Variants in SULF1 observed in about 807,000 individuals in gnomAD.
SULF1 encodes sulfatase 1.
A neutral mutation model predicts 110.5 loss-of-function variants in SULF1; 46 were observed. That is an observed-to-expected ratio of 0.42 (90% CI 0.33 to 0.53). The LOEUF (loss-of-function observed/expected upper bound fraction) is 0.53. Among genes scored for constraint, SULF1 ranks in the 20% least tolerant of loss-of-function variants. The probability of loss-of-function intolerance (pLI) is 0.12; values close to 1 mark genes in which losing one functional copy is unlikely to be tolerated. For synonymous variants in SULF1, 371 were observed against 387.1 expected (o/e 0.96, Z 0.49); for missense variants, 941 against 1,094.2 (o/e 0.86, Z 1.98).
In SULF1 at chr8:69,627,256, T is replaced by C; in HGVS notation, c.1897T>C (p.Tyr633His). ...NDSIHCEREL[Y>H]QSARAWKDHK... ...CTCTATCCATTGTGAGAGAGAACTG[T>C]ACCAATCGGCCAGAGCGTGGAAGGA... Residue 633 changes from tyrosine to histidine, a missense_variant, in exon 16 of 23, where the codon TAC becomes CAC. Around this residue, in one of 3 missense-constraint regions of SULF1, gnomAD observed 822 missense variants for 934.3 expected, o/e 0.88. Transcript: ENST00000402687. 6.2e-7 allele frequency: 1 copy of C among 1,614,194 alleles called. No individual in the cohort carries two copies. The highest frequency in any genetic ancestry group is 2.2e-5 in the East Asian group (1 of 44,868).
intron 6 of SULF1, among the ~76,000 whole-genome samples, chr8:69,577,945 A>C (rs1297012799): frequency 1.3e-5 from 2 of 152,194 alleles, no homozygotes; most frequent in Non-Finnish European, 2.9e-5. Flanking sequence ...CAGACTTTAG[A>C]AGCTACAGAC....
rs187242224 is a variant in SULF1, at chr8:69,543,363, C to T, written c.-133-20176C>T. Among the ~76,000 whole-genome samples the T allele has an allele frequency of 9.2e-5, 14 of 152,228 alleles. No homozygotes were observed. In the East Asian group the frequency reaches 1.4e-3, roughly 15 times the overall value. ...CATGCATTGGCTATTTTCCCTAATG[C>T]TCTCCCCAACCCCCACCCTCCCCTC... On this transcript the variant is annotated intron_variant, in intron 3 of 22. Transcript: ENST00000402687.
chr8:69,513,108 G>T (rs2150593732), intron 3 of SULF1, among the ~76,000 whole-genome samples: 1 of 152,268 alleles, frequency 6.6e-6, no homozygotes, highest in South Asian at 2.1e-4. Flanking sequence ...CACAGTACTT[G>T]CAGGTAGTTA....
At chr8:69,517,090 G>A (rs915636948) in intron 3 of SULF1, among the ~76,000 whole-genome samples, 1 of 152,166 alleles carries the variant, frequency 6.6e-6, no homozygotes, top group Non-Finnish European at 1.5e-5. Context: ...TGGAGGCTGG[G>A]AAGTCCAAGA....
Position 69,624,097 on chromosome 8 carries a change from C to A in SULF1, c.1750C>A (p.Pro584Thr), listed in dbSNP as rs577081540. 2 of 1,613,904 alleles carry A rather than the reference C, an allele frequency of 1.2e-6. No individual in the cohort carries two copies. Among genetic ancestry groups the A allele is most frequent in the African/African-American group, 2.7e-5 (2 of 74,932 alleles). The part of the protein sequence containing the change: ...AKRHDEGHKG[P>T]RDLQASSGGN... ...GCGTCATGATGAAGGCCACAAGGGG[C>A]CAAGAGATCTCCAGGCTTCCAGTGG... The change falls in exon 15 of 23, where the codon CCA (proline) becomes ACA (threonine). Residue 584 changes from proline (P) to threonine (T), a missense_variant. By Grantham distance (38) the Pro-to-Thr change is conservative. Coordinates refer to ENST00000402687, the MANE Select transcript of SULF1 (RefSeq NM_001128205.2).
intron 3 of SULF1, among the ~76,000 whole-genome samples, chr8:69,527,086 T>C (rs1204255836): frequency 2.0e-5 from 3 of 152,182 alleles, no homozygotes; most frequent in Non-Finnish European, 4.4e-5. Context: ...TATCTTTTTC[T>C]TAAGCACTCC....
chr8:69,507,684 T>A (rs557677836), intron 3 of SULF1, among the ~76,000 whole-genome samples: 2 of 152,212 alleles, frequency 1.3e-5, no homozygotes, highest in Non-Finnish European at 2.9e-5. Flanking sequence ...AGAATTGAAG[T>A]ACTATAGGCT....
chr8:69,630,715 T>C (rs915422237), intron 19 of SULF1, among the ~76,000 whole-genome samples: 1 of 152,162 alleles, frequency 6.6e-6, no homozygotes, highest in Non-Finnish European at 1.5e-5. Context: ...CACTTTATTT[T>C]CTGTGCTCAT....
At chr8:69,654,317 A>C (rs1356755235) in intron 22 of SULF1, among the ~76,000 whole-genome samples, 1 of 152,084 alleles carries the variant, frequency 6.6e-6, no homozygotes, top group Non-Finnish European at 1.5e-5. Flanking sequence ...GGCTTCAGGC[A>C]GCAATACTAG....
intron 22 of SULF1, among the ~76,000 whole-genome samples, chr8:69,648,290 A>G (rs1235787543): frequency 3.3e-5 from 5 of 152,168 alleles, no homozygotes; most frequent in Non-Finnish European, 7.3e-5. Flanking sequence ...GAATAGCTAT[A>G]TTAATTAAAA....
At chr8:69,523,411 C>T (rs561932336) in intron 3 of SULF1, among the ~76,000 whole-genome samples, 4 of 152,044 alleles carry the variant, frequency 2.6e-5, no homozygotes, top group Middle Eastern at 3.4e-3. Context: ...ATGGAAGAGT[C>T]GTGGGATTAG....
chr8:69,547,401 T>C (rs1037200327), intron 3 of SULF1, among the ~76,000 whole-genome samples: 1 of 152,240 alleles, frequency 6.6e-6, no homozygotes, highest in African/African-American at 2.4e-5. Context: ...TGGTTCACAG[T>C]TCAATTATTA....
At chr8:69,503,455 C>T (rs17644167) in intron 3 of SULF1, among the ~76,000 whole-genome samples, 48,887 of 152,028 alleles carry the variant, frequency 0.32, 8,183 homozygotes, top group Non-Finnish European at 0.37. Flanking sequence ...AAAACAGTAA[C>T]TTCAAAAGAT....
chr8:69,633,233 G>A (rs1810721208), intron 19 of SULF1, among the ~76,000 whole-genome samples: 1 of 151,920 alleles, frequency 6.6e-6, no homozygotes, highest in Non-Finnish European at 1.5e-5. Flanking sequence ...TATGTTTGAT[G>A]TGTGATCTTA....
chr8:69,612,225 C>T (rs747346738), intron 13 of SULF1, among the ~76,000 whole-genome samples: 3 of 152,062 alleles, frequency 2.0e-5, no homozygotes, highest in Non-Finnish European at 4.4e-5. Context: ...TGTATATATA[C>T]CACATTTTCT....
intron 22 of SULF1, among the ~76,000 whole-genome samples, chr8:69,651,674 T>C (rs1230135437): frequency 6.6e-6 from 1 of 152,188 alleles, no homozygotes; most frequent in Non-Finnish European, 1.5e-5. Flanking sequence ...TATTAATAGA[T>C]TTGGTAAGAA....
chr8:69,545,085 C>CTT (rs56914726), intron 3 of SULF1, among the ~76,000 whole-genome samples: 70,906 of 134,610 alleles, frequency 0.53, 19,355 homozygotes, highest in East Asian at 0.7. Flanking sequence ...TAAAGGAATT[C>CTT]TTTTTTTTTT....
At chr8:69,569,992 G>C (rs925286052) in intron 5 of SULF1, among the ~76,000 whole-genome samples, 6 of 151,928 alleles carry the variant, frequency 3.9e-5, no homozygotes, top group African/African-American at 1.2e-4. Context: ...GATCATACAG[G>C]CATTTTAATA....
intron 3 of SULF1, among the ~76,000 whole-genome samples, chr8:69,533,306 A>C (rs1813227116): frequency 6.6e-6 from 1 of 152,208 alleles, no homozygotes. Flanking sequence ...TTACACAGGT[A>C]CACATGTGCC....
Sources: allele counts gnomAD v4.1 joint callset (sites outside exome capture counted in the v4.1 genomes callset), GRCh38; gene constraint gnomAD v4.1.1; regional missense constraint gnomAD v4.1.1; transcripts MANE v1.5; gene names NCBI Gene and HGNC (gene_info 2026-07-23, HGNC 2026-07-21).